COMMD10: variants seen among roughly 807,000 people sequenced by gnomAD.
COMMD10 encodes COMM domain containing 10.
A neutral mutation model predicts 28.9 loss-of-function variants in COMMD10; 33 were observed. That is an observed-to-expected ratio of 1.14 (90% CI 0.87 to 1.53). The LOEUF (loss-of-function observed/expected upper bound fraction) is 1.53, where lower values mean the gene tolerates loss of function less well. Among genes scored for constraint, COMMD10 ranks in the 40% most tolerant of loss-of-function variants. The probability of loss-of-function intolerance (pLI) is 0.00; values close to 1 mark genes in which losing one functional copy is unlikely to be tolerated. For synonymous variants in COMMD10, 110 were observed against 81.7 expected, an observed-to-expected ratio of 1.35 and a Z score of -1.87; for missense variants, 310 against 233.4, an observed-to-expected ratio of 1.33 and a Z score of -2.14.
intron 1 of COMMD10, among the ~76,000 whole-genome samples, chr5:116,086,580 T>G (rs1046571740): frequency 4.6e-5 from 7 of 152,094 alleles, no homozygotes; most frequent in Non-Finnish European, 1.0e-4. Context: ...TCCCTGAGCC[T>G]CCTGAGTAGC....
chr5:116,158,815 G>A (rs918370061), intron 5 of COMMD10, among the ~76,000 whole-genome samples: 4 of 150,238 alleles, frequency 2.7e-5, no homozygotes, highest in Admixed American at 1.3e-4. Flanking sequence ...AAGAATTAAT[G>A]TACATTATGT....
intron 5 of COMMD10, among the ~76,000 whole-genome samples, chr5:116,173,819 T>G (rs1580519312): frequency 6.7e-6 from 1 of 149,742 alleles, no homozygotes; most frequent in East Asian, 1.9e-4. Context: ...CAACTGTTTT[T>G]GGGTTTTTGT....
At chr5:116,174,977 T>C (rs980128472) in intron 5 of COMMD10, among the ~76,000 whole-genome samples, 2 of 152,120 alleles carry the variant, frequency 1.3e-5, no homozygotes, top group African/African-American at 2.4e-5. Context: ...ATGGCAGATA[T>C]AATATAGCTT....
intron 5 of COMMD10, among the ~76,000 whole-genome samples, chr5:116,278,612 T>G (rs977037358): frequency 2.0e-5 from 3 of 151,864 alleles, no homozygotes; most frequent in African/African-American, 7.3e-5. Context: ...AATTAAACAT[T>G]TCATGAAAAT....
intron 5 of COMMD10, among the ~76,000 whole-genome samples, chr5:116,149,168 C>T (rs1406450539): frequency 7.3e-6 from 1 of 137,834 alleles, no homozygotes; most frequent in Non-Finnish European, 1.5e-5. Flanking sequence ...ATCCATGTCC[C>T]TACAAAGGAC....
chr5:116,292,467 C>G lies in COMMD10; in HGVS notation c.587C>G (p.Ala196Gly). The change falls in exon 7 of 7, where the codon GCA (alanine) becomes GGA (glycine). Residue 196 changes from alanine to glycine, a missense_variant. Coordinates refer to ENST00000274458, the MANE Select transcript of COMMD10 (RefSeq NM_016144.4). ...TGTAAATAGCTAGAGACTATACAAGCACAGCTGGATTCCCTTACATGATGT... is the reference window on the plus strand; with the variant it reads ...TGTAAATAGCTAGAGACTATACAAGGACAGCTGGATTCCCTTACATGATGT... Reference protein sequence around the residue: ...DFYNKLETIQAQLDSLT With the variant: ...DFYNKLETIQGQLDSLT The G allele has an allele frequency of 6.4e-7, 1 of 1,569,452 alleles. No individual in the cohort carries two copies. Among genetic ancestry groups the G allele is most frequent in the Non-Finnish European group, 8.6e-7 (1 of 1,158,162 alleles).
intron 5 of COMMD10, among the ~76,000 whole-genome samples, chr5:116,207,633 C>G (rs539788179): frequency 6.6e-6 from 1 of 152,066 alleles, no homozygotes; most frequent in Non-Finnish European, 1.5e-5. Context: ...TCAAGCGATT[C>G]TTATGCCTCA....
chr5:116,216,012 G>A (rs1206799269), intron 5 of COMMD10, among the ~76,000 whole-genome samples: 3 of 151,904 alleles, frequency 2.0e-5, no homozygotes, highest in Admixed American at 1.3e-4. Context: ...GAAAGGAAAG[G>A]CCTTATCATT....
chr5:116,192,315 A>G (rs1417992279), intron 5 of COMMD10, among the ~76,000 whole-genome samples: 1 of 146,556 alleles, frequency 6.8e-6, no homozygotes, highest in Non-Finnish European at 1.5e-5. Flanking sequence ...CAAACCAAGA[A>G]GAAATCCCTG....
chr5:116,100,242 G>T (rs1022197074), intron 4 of COMMD10, among the ~76,000 whole-genome samples: 2 of 151,938 alleles, frequency 1.3e-5, no homozygotes, highest in African/African-American at 4.8e-5. Context: ...CATTCTATAG[G>T]TTGCCTTTTC....
chr5:116,209,340 T>C (rs1748900418), intron 5 of COMMD10, among the ~76,000 whole-genome samples: 2 of 152,210 alleles, frequency 1.3e-5, no homozygotes, highest in South Asian at 4.1e-4. Flanking sequence ...GAAAAGATTA[T>C]CTTAACTGAC....
intron 5 of COMMD10, among the ~76,000 whole-genome samples, chr5:116,190,435 C>T (rs953062871): frequency 8.5e-5 from 13 of 152,150 alleles, no homozygotes; most frequent in African/African-American, 2.9e-4. Context: ...AAGTGGTACA[C>T]ATATGTACAG....
chr5:116,192,991 G>T (rs912041374), intron 5 of COMMD10, among the ~76,000 whole-genome samples: 32 of 152,214 alleles, frequency 2.1e-4, no homozygotes, highest in Admixed American at 1.8e-3. Flanking sequence ...TAAGCTAGAA[G>T]GGATTAGCCT....
At chr5:116,155,206 A>G (rs1032183967) in intron 5 of COMMD10, among the ~76,000 whole-genome samples, 9 of 152,060 alleles carry the variant, frequency 5.9e-5, no homozygotes, top group Non-Finnish European at 1.3e-4. Context: ...TGTCTGCATT[A>G]TTTAGTTATT....
At chr5:116,276,453 C>T (rs1333417205) in intron 5 of COMMD10, among the ~76,000 whole-genome samples, 1 of 151,572 alleles carries the variant, frequency 6.6e-6, no homozygotes, top group Non-Finnish European at 1.5e-5. Flanking sequence ...CCAGGTTGGT[C>T]TCAAATTCCT....
At chr5:116,267,853 A>AT (rs1561400626) in intron 5 of COMMD10, among the ~76,000 whole-genome samples, 1 of 151,960 alleles carries the variant, frequency 6.6e-6, no homozygotes, top group Non-Finnish European at 1.5e-5. Context: ...TGGGGAAAGG[A>AT]TTCCCTATTT....
rs535914894 is a variant in COMMD10, at chr5:116,192,832, C to T, written c.510+58654C>T. Among the ~76,000 whole-genome samples, 6 of 152,258 alleles carry T rather than the reference C, an allele frequency of 3.9e-5. No individual in the cohort carries two copies. In the South Asian group the frequency reaches 1.2e-3, roughly 32 times the overall value. On this transcript the variant is annotated intron_variant, in intron 5 of 6. Coordinates refer to ENST00000274458, the MANE Select transcript of COMMD10 (RefSeq NM_016144.4). ...CACAGAGAACACTTGGGAAATTTAT[C>T]ACAAAGAGATCATGGCACACTGACT...
intron 4 of COMMD10, among the ~76,000 whole-genome samples, chr5:116,110,415 A>G (rs1182129064): frequency 1.3e-5 from 2 of 152,034 alleles, no homozygotes; most frequent in East Asian, 3.9e-4. Context: ...CCCTGTTCCA[A>G]CTTTTTGGAA....
At chr5:116,255,696 T>TA (rs1446222595) in intron 5 of COMMD10, 2 of 151,570 alleles carry the variant, frequency 1.3e-5, no homozygotes, top group African/African-American at 4.9e-5. Flanking sequence ...CACTGTTATT[T>TA]AATAGTGTAC....
Sources: allele counts gnomAD v4.1 joint callset (sites outside exome capture counted in the v4.1 genomes callset), GRCh38; gene constraint gnomAD v4.1.1; transcripts MANE v1.5; gene names NCBI Gene and HGNC (gene_info 2026-07-23, HGNC 2026-07-21).